SEMA5A: variants seen among roughly 807,000 people sequenced by gnomAD.
SEMA5A encodes the protein semaphorin-5A.
In SEMA5A, 55 loss-of-function variants were observed where a neutral mutation model predicts 135.5. The ratio of observed to expected loss-of-function variants is 0.41; its 90% CI spans 0.33 to 0.51. The LOEUF (loss-of-function observed/expected upper bound fraction) is 0.51, where lower values mean the gene tolerates loss of function less well. SEMA5A is among the 20% of genes least tolerant of loss of function. SEMA5A has a pLI of 0.37. For synonymous variants in SEMA5A, 580 were observed against 546.5 expected (o/e 1.06, Z -0.85); for missense variants, 1,290 against 1,419.9 (o/e 0.91, Z 1.47).
At chr5:9,221,548 CG>C (rs1561038786) in intron 8 of SEMA5A, among the ~76,000 whole-genome samples, 2 of 151,860 alleles carry the variant, frequency 1.3e-5, no homozygotes, top group African/African-American at 4.8e-5. Flanking sequence ...GTGATCCGCC[CG>C]CCTCGGCCTC....
At chr5:9,104,034 A>C (rs1739773420) in intron 16 of SEMA5A, among the ~76,000 whole-genome samples, 1 of 152,232 alleles carries the variant, frequency 6.6e-6, no homozygotes, top group African/African-American at 2.4e-5. Context: ...AAATAGGAGT[A>C]AAGTAAGGCT....
chr5:9,319,837 T>G (rs1229029810), intron 4 of SEMA5A, among the ~76,000 whole-genome samples: 14 of 75,968 alleles, frequency 1.8e-4, no homozygotes, highest in South Asian at 5.7e-4. Flanking sequence ...GGGCGGGGGG[T>G]GGGGGTAGGT....
chr5:9,182,005 C>T (rs1246562118), intron 11 of SEMA5A, among the ~76,000 whole-genome samples: 1 of 152,158 alleles, frequency 6.6e-6, no homozygotes, highest in African/African-American at 2.4e-5. Context: ...AAAGACAGCA[C>T]AACTTCCAAC....
chr5:9,294,213 G>T (rs77902395), intron 5 of SEMA5A, among the ~76,000 whole-genome samples: 2 of 151,938 alleles, frequency 1.3e-5, no homozygotes, highest in African/African-American at 2.4e-5. Flanking sequence ...CTCTCAGCTC[G>T]GCTGCAGCCA....
chr5:9,221,496 G>T (rs530933350), intron 8 of SEMA5A, among the ~76,000 whole-genome samples: 1 of 151,644 alleles, frequency 6.6e-6, no homozygotes, highest in Non-Finnish European at 1.5e-5. Flanking sequence ...TAGAGACGGG[G>T]TTTCACAGTG....
intron 13 of SEMA5A, among the ~76,000 whole-genome samples, chr5:9,125,110 GAACT>G (rs1741033602): frequency 6.8e-6 from 1 of 146,056 alleles, no homozygotes; most frequent in East Asian, 1.9e-4. Context: ...AATACAATAG[GAACT>G]AACATGAAAA....
intron 1 of SEMA5A, among the ~76,000 whole-genome samples, chr5:9,527,895 TAC>T (rs1460731730): frequency 2.0e-5 from 3 of 152,126 alleles, no homozygotes; most frequent in Non-Finnish European, 4.4e-5. Context: ...GCCTCAAAAT[TAC>T]AGTGAAAAGG....
At chr5:9,251,428 T>TA (rs763258387) in intron 5 of SEMA5A, among the ~76,000 whole-genome samples, 36 of 152,190 alleles carry the variant, frequency 2.4e-4, no homozygotes, top group Non-Finnish European at 4.3e-4. Context: ...GAATTCACAC[T>TA]AAAGTTTCAG....
chr5:9,419,522 G>A (rs773322067), intron 2 of SEMA5A, among the ~76,000 whole-genome samples: 7 of 152,156 alleles, frequency 4.6e-5, no homozygotes, highest in Non-Finnish European at 7.4e-5. Context: ...ATGAGGCAAC[G>A]ATGGTCGAGG....
intron 1 of SEMA5A, among the ~76,000 whole-genome samples, chr5:9,491,272 G>A (rs1422132510): frequency 6.6e-6 from 1 of 152,074 alleles, no homozygotes; most frequent in Non-Finnish European, 1.5e-5. Flanking sequence ...GAGCACAGGG[G>A]ATTTTCGGGG....
chr5:9,288,062 A>G (rs2150578200), intron 5 of SEMA5A, among the ~76,000 whole-genome samples: 1 of 152,342 alleles, frequency 6.6e-6, no homozygotes, highest in East Asian at 1.9e-4. Context: ...AAAGAGACAC[A>G]TGACATATCT....
chr5:9,419,679 C>A (rs1171133772), intron 2 of SEMA5A, among the ~76,000 whole-genome samples: 1 of 152,144 alleles, frequency 6.6e-6, no homozygotes, highest in East Asian at 1.9e-4. Context: ...CTAGGGCATG[C>A]ATGCACACAC....
At chr5:9,046,660 G>T (rs914781669) in intron 21 of SEMA5A, among the ~76,000 whole-genome samples, 3 of 152,194 alleles carry the variant, frequency 2.0e-5, no homozygotes, top group Non-Finnish European at 4.4e-5. Flanking sequence ...GTGATACATG[G>T]CAGAGGTCGG....
intron 16 of SEMA5A, among the ~76,000 whole-genome samples, chr5:9,103,666 T>C (rs1739749664): frequency 6.6e-6 from 1 of 152,226 alleles, no homozygotes; most frequent in Admixed American, 6.5e-5. Context: ...TCTTTGTAAA[T>C]TATTTTTGCT....
At chr5:9,421,453 C>T (rs1431321246) in intron 2 of SEMA5A, among the ~76,000 whole-genome samples, 2 of 152,124 alleles carry the variant, frequency 1.3e-5, no homozygotes, top group Admixed American at 1.3e-4. Flanking sequence ...TATACATGCC[C>T]TTATATATGT....
At chr5:9,135,398 G>A (rs972501122) in intron 13 of SEMA5A, among the ~76,000 whole-genome samples, 1 of 151,792 alleles carries the variant, frequency 6.6e-6, no homozygotes, top group East Asian at 2.0e-4. Flanking sequence ...AGCCAGGATG[G>A]TCTCGATCTC....
chr5:9,102,669 C>A (rs996293613), intron 16 of SEMA5A, among the ~76,000 whole-genome samples: 1 of 152,086 alleles, frequency 6.6e-6, no homozygotes, highest in Non-Finnish European at 1.5e-5. Context: ...CTACAAAAAT[C>A]ATCTACAGTA....
intron 1 of SEMA5A, among the ~76,000 whole-genome samples, chr5:9,448,883 C>T (rs748068281): frequency 9.2e-5 from 14 of 152,214 alleles, no homozygotes; most frequent in Non-Finnish European, 1.9e-4. Flanking sequence ...TGGTCAAGGG[C>T]AGGCATCTGT....
At chr5:9,425,143 C>T (rs1171389549) in intron 2 of SEMA5A, among the ~76,000 whole-genome samples, 1 of 152,210 alleles carries the variant, frequency 6.6e-6, no homozygotes, top group African/African-American at 2.4e-5. Flanking sequence ...CCACTACACA[C>T]AAACCAATCC....
Sources: gnomAD v4.1 joint callset for allele counts (sites outside exome capture counted in the v4.1 genomes callset) on GRCh38, gnomAD v4.1.1 for gene constraint, MANE v1.5 for transcripts, NCBI Gene and HGNC (gene_info 2026-07-23, HGNC 2026-07-21) for gene names.